Variants in ANKRD27 observed in about 807,000 individuals in gnomAD.
ANKRD27 encodes the protein ankyrin repeat domain 27.
A neutral mutation model predicts 129.7 loss-of-function variants in ANKRD27; 112 were observed. The observed-to-expected ratio is 0.86, with a 90% CI of 0.74 to 1.01. ANKRD27 has a LOEUF of 1.01. Among genes scored for constraint, ANKRD27 ranks in the 50% least tolerant of loss-of-function variants. ANKRD27 has a pLI of 0.00. For synonymous variants in ANKRD27, 516 were observed against 511.2 expected, an observed-to-expected ratio of 1.01 and a Z score of -0.13; for missense variants, 1,258 against 1,300.5, an observed-to-expected ratio of 0.97 and a Z score of 0.50.
intron 1 of ANKRD27, among the ~76,000 whole-genome samples, chr19:32,665,207 A>G (rs1439061279): frequency 1.3e-5 from 2 of 152,086 alleles, no homozygotes; most frequent in African/African-American, 2.4e-5. Flanking sequence ...GTCCTTTACA[A>G]TATCAAATGA....
At chr19:32,648,580 C>T (rs1176238404) in intron 3 of ANKRD27, among the ~76,000 whole-genome samples, 1 of 152,158 alleles carries the variant, frequency 6.6e-6, no homozygotes, top group Non-Finnish European at 1.5e-5. Context: ...GCGGGTGGAT[C>T]ATGAGGTGAG....
At chr19:32,650,750 ATTTATTT>A (rs1967399938) in intron 2 of ANKRD27, among the ~76,000 whole-genome samples, 1 of 125,308 alleles carries the variant, frequency 8.0e-6, no homozygotes, top group South Asian at 2.4e-4. Context: ...TTACGCTTTT[ATTTATTT>A]TTTTTTTTTG....
intron 1 of ANKRD27, among the ~76,000 whole-genome samples, chr19:32,670,610 G>A (rs1477747306): frequency 6.6e-6 from 1 of 152,150 alleles, no homozygotes; most frequent in East Asian, 1.9e-4. Context: ...GGAGGCGGAG[G>A]TTGCAGTGAG....
chr19:32,607,667 G>A lies in ANKRD27; in HGVS notation c.2341C>T (p.Leu781Phe), dbSNP rs369989923. 6.2e-5 allele frequency: 100 copies of A among 1,611,744 alleles called. No individual in the cohort carries two copies. Among genetic ancestry groups the A allele is most frequent in the Non-Finnish European group, 7.9e-5 (93 of 1,179,658 alleles). The part of the protein sequence containing the change: ...GARNADQAVP[L>F]HLACQQGHFQ... Reference sequence around the variant, plus strand: ...TGGCCCTGCTGGCAGGCCAGGTGGAGCGGGACGGCTTGGTCTGCGTTCCTG... The same window carrying A: ...TGGCCCTGCTGGCAGGCCAGGTGGAACGGGACGGCTTGGTCTGCGTTCCTG... Residue 781 changes from leucine (L) to phenylalanine (F), a missense_variant, in exon 23 of 29, where the codon CTC becomes TTC. Transcript: ENST00000306065.
intron 2 of ANKRD27, among the ~76,000 whole-genome samples, chr19:32,657,222 G>C (rs1967555218): frequency 6.6e-6 from 1 of 152,004 alleles, no homozygotes; most frequent in African/African-American, 2.4e-5. Flanking sequence ...CCAGCACGCT[G>C]GGGGGCCGAG....
At chr19:32,618,033 C>A (rs902048618) in intron 20 of ANKRD27, among the ~76,000 whole-genome samples, 1 of 152,114 alleles carries the variant, frequency 6.6e-6, no homozygotes, top group East Asian at 1.9e-4. Flanking sequence ...GCTGGCATTA[C>A]AGGCGTGAGC....
At chr19:32,622,863 G>C (rs1409608477) in intron 17 of ANKRD27, among the ~76,000 whole-genome samples, 4 of 151,728 alleles carry the variant, frequency 2.6e-5, no homozygotes, top group East Asian at 3.9e-4. Flanking sequence ...CTGCAGCCTT[G>C]AACTCCTGGG....
intron 15 of ANKRD27, among the ~76,000 whole-genome samples, chr19:32,627,359 T>TAA (rs10674995): frequency 0.06 from 8,717 of 145,420 alleles, 430 homozygotes; most frequent in African/African-American, 0.13. Context: ...AATGTGCACT[T>TAA]TATTTTATTT....
Position 32,602,032 on chromosome 19 carries a change from A to T in ANKRD27, c.2750T>A (p.Val917Asp). 6.2e-7 allele frequency: 1 copy of T among 1,613,048 alleles called. No individual in the cohort carries two copies. The highest frequency in any genetic ancestry group is 8.5e-7 in the Non-Finnish European group (1 of 1,179,238). The change falls in exon 26 of 29, where the codon GTT (valine) becomes GAT (aspartate). Residue 917 changes from valine (V) to aspartate (D), a missense_variant. By Grantham distance (152) the Val-to-Asp change is radical. Coordinates refer to ENST00000306065, the MANE Select transcript of ANKRD27 (RefSeq NM_032139.3). ...AETDRKEYVT[V>D]KIRKKWNSKL... is the part of the protein sequence containing the mutation. ...ACTCTTACATTTTTTCCTGATCTTAACAGTGACATACTCCTTGCGGTCAGT... is the reference window on the plus strand; with the variant it reads ...ACTCTTACATTTTTTCCTGATCTTATCAGTGACATACTCCTTGCGGTCAGT...
At chr19:32,653,774 C>G (rs913825122) in intron 2 of ANKRD27, among the ~76,000 whole-genome samples, 1 of 152,124 alleles carries the variant, frequency 6.6e-6, no homozygotes, top group Non-Finnish European at 1.5e-5. Flanking sequence ...AAGGAGCAGT[C>G]AAGCTGCACC....
Position 32,628,150 on chromosome 19 carries a change from G to A in ANKRD27, c.1353C>T (p.Pro451=), listed in dbSNP as rs769312792. ...CTCTGGAGAATGGAGTGACAACTGA[G>A]GGATCATTCAACCTCCTAAAATACA... ...EKLVSGRLND[P]SVVTPFSRDD... The change falls in exon 15 of 29, where the codon CCC becomes CCT. Residue 451 remains proline (P), a synonymous_variant. Transcript: ENST00000306065. The A allele has an allele frequency of 1.2e-6, 2 of 1,614,134 alleles. No homozygotes were observed. The highest frequency in any genetic ancestry group is 2.2e-5 in the South Asian group (2 of 91,090).
intron 12 of ANKRD27, chr19:32,636,401 G>A (rs1967089867): frequency 6.6e-6 from 1 of 152,596 alleles, no homozygotes. Flanking sequence ...CTGCAGCTAT[G>A]TAGCAGTTAA....
At position 32,619,480 on chromosome 19, in the gene ANKRD27, C is replaced by T; in HGVS notation, c.1887+14G>A. Reference sequence around the variant, plus strand: ...CTCCAAGGTAACCTGACCTGCTCAGCCCGGCTGACTTACCTCGGACGACTT... The same window carrying T: ...CTCCAAGGTAACCTGACCTGCTCAGTCCGGCTGACTTACCTCGGACGACTT... On this transcript the variant is annotated intron_variant, in intron 19 of 28. Transcript: ENST00000306065. The T allele has an allele frequency of 6.2e-7, 1 of 1,614,092 alleles. No individual in the cohort carries two copies. Among genetic ancestry groups the T allele is most frequent in the Non-Finnish European group, 8.5e-7 (1 of 1,180,026 alleles).
intron 1 of ANKRD27, among the ~76,000 whole-genome samples, chr19:32,663,610 G>C (rs200223453): frequency 5.3e-5 from 8 of 152,008 alleles, no homozygotes; most frequent in African/African-American, 1.9e-4. Flanking sequence ...ATAATGCTAC[G>C]GCTGTCACAC....
chr19:32,632,584 C>CAAAAA (rs531083631), intron 12 of ANKRD27, among the ~76,000 whole-genome samples: 3 of 105,280 alleles, frequency 2.8e-5, no homozygotes, highest in Admixed American at 1.1e-4. Context: ...GACTCCATCT[C>CAAAAA]AAAAAAAAAA....
At chr19:32,664,151 G>C (rs979699697) in intron 1 of ANKRD27, among the ~76,000 whole-genome samples, 2 of 150,956 alleles carry the variant, frequency 1.3e-5, no homozygotes, top group African/African-American at 4.9e-5. Context: ...TTCAACATGT[G>C]ACCATTATTT....
rs191421114 is a variant in ANKRD27 at position 32,604,288 on chromosome 19, C to T, written c.2630G>A (p.Arg877His). The change falls in exon 25 of 29, where the codon CGC becomes CAC. Residue 877 changes from arginine to histidine, a missense_variant. Transcript: ENST00000306065. ...ASVQVLNKRQ[R>H]TAVDCAEQNS... ...CTGTTCAGCACAGTCTACAGCCGTGCGCTGCCGCTTGTTCAGCACCTGAAC... is the reference window on the plus strand; with the variant it reads ...CTGTTCAGCACAGTCTACAGCCGTGTGCTGCCGCTTGTTCAGCACCTGAAC... 155 of 1,613,208 alleles carry T rather than the reference C, an allele frequency of 9.6e-5. 2 individuals are homozygous for T. The South Asian group carries it at 1.5e-3, about 16-fold the overall frequency.
Position 32,615,871 on chromosome 19 carries a change from C to A in ANKRD27, c.2053-91G>T, listed in dbSNP as rs1971910505. 3.9e-6 allele frequency: 6 copies of A among 1,524,318 alleles called. No homozygotes were observed. In the East Asian group the frequency reaches 1.4e-4, roughly 35 times the overall value. The allele number at this position is 1,524,318 out of a possible 1,614,324, so 94.4% of individuals were successfully genotyped here. ...ACACACACCATCAACCGTTCCCAAT[C>A]AGGGCCCACGCTTCCTTCTCCAACC... On this transcript the variant is annotated intron_variant, in intron 21 of 28. Coordinates refer to ENST00000306065, the MANE Select transcript of ANKRD27 (RefSeq NM_032139.3).
In ANKRD27 at chr19:32,658,945, A is replaced by G; in HGVS notation, c.71T>C (p.Leu24Ser). The change falls in exon 2 of 29, where the codon TTG (leucine) becomes TCG (serine). Residue 24 changes from leucine to serine, a missense_variant. Coordinates refer to ENST00000306065, the MANE Select transcript of ANKRD27 (RefSeq NM_032139.3). ...ATGGATTTGGGCCACTTTGCTGCAC[A>G]AGTCAGGGCGGCACTTTTGCAGAGC... ...YLALQKCRPD[L>S]CSKVAQIHGI... is the part of the protein sequence containing the mutation. 6.2e-7 allele frequency: 1 copy of G among 1,614,098 alleles called. No individual in the cohort carries two copies.
Sources: allele counts gnomAD v4.1 joint callset (sites outside exome capture counted in the v4.1 genomes callset), GRCh38; gene constraint gnomAD v4.1.1; transcripts MANE v1.5; gene names NCBI Gene and HGNC (gene_info 2026-07-23, HGNC 2026-07-21).